NEMP2: variants seen among roughly 807,000 people sequenced by gnomAD.
NEMP2 encodes the protein nuclear envelope integral membrane protein 2, also known as UPF0571 transmembrane protein.
NEMP2 carries 53 observed loss-of-function variants against 54.2 expected under a neutral mutation model. That is an observed-to-expected ratio of 0.98 (90% CI 0.78 to 1.23). The LOEUF (loss-of-function observed/expected upper bound fraction) is 1.23, where lower values mean the gene tolerates loss of function less well. NEMP2 is among the 50% of genes most tolerant of loss of function. The probability of loss-of-function intolerance (pLI) is 0.00; values close to 1 mark genes in which losing one functional copy is unlikely to be tolerated. For missense variants in NEMP2, 455 were observed against 511.3 expected, an observed-to-expected ratio of 0.89 and a Z score of 1.06; for synonymous variants, 197 against 190.3, an observed-to-expected ratio of 1.04 and a Z score of -0.29.
At position 190,510,193 on chromosome 2, in the gene NEMP2, C is replaced by T. The variant is rs1198330356; in HGVS notation, c.1130+168G>A. On this transcript the variant is annotated intron_variant, in intron 8 of 8. Transcript: ENST00000409150. The surrounding 1 kb of genome is among the most constrained non-coding windows in gnomAD (Gnocchi z 5.7). ...ATTTATTCTGACATCAGCAGTTCTA[C>T]TGTGCAAAGTCACAGTACTGAGAAA... Among the ~76,000 whole-genome samples the T allele has an allele frequency of 6.6e-6, 1 of 152,206 alleles. No individual in the cohort carries two copies. Among genetic ancestry groups the T allele is most frequent in the Non-Finnish European group, 1.5e-5 (1 of 68,034 alleles).
chr2:190,534,855 C>T (rs1364764217), upstream of NEMP2: 3 of 397,040 alleles, frequency 7.6e-6, no homozygotes, highest in South Asian at 1.3e-4. Flanking sequence ...CGGGGCACGG[C>T]GGGCCCAGGC....
At chr2:190,526,807 C>T (rs1486777069) in intron 1 of NEMP2, among the ~76,000 whole-genome samples, 1 of 152,112 alleles carries the variant, frequency 6.6e-6, no homozygotes, top group Admixed American at 6.5e-5. Flanking sequence ...ATCTTCACAT[C>T]TCCAGCAAGG....
chr2:190,517,086 G>A (rs1174458403), intron 5 of NEMP2, among the ~76,000 whole-genome samples: 2 of 96,564 alleles, frequency 2.1e-5, no homozygotes, highest in East Asian at 2.9e-4. Flanking sequence ...GCAAGACTGT[G>A]TCTCAAAAAA....
the NEMP2 span, among the ~76,000 whole-genome samples, chr2:190,449,870 G>T: frequency 1.3e-5 from 2 of 151,994 alleles, no homozygotes; most frequent in Admixed American, 6.6e-5. Context: ...GTTGTGGGGT[G>T]GGGGAAGGGG....
the NEMP2 span, among the ~76,000 whole-genome samples, chr2:190,460,267 G>A: frequency 1.3e-5 from 2 of 152,256 alleles, no homozygotes; most frequent in South Asian, 4.1e-4. Flanking sequence ...GCCTATTAAT[G>A]TTAGTCAAAA....
Position 190,516,335 on chromosome 2 carries a change from T to C in NEMP2, c.662A>G (p.Tyr221Cys), listed in dbSNP as rs1200134945. Residue 221 changes from tyrosine (Y) to cysteine (C), a missense_variant, in exon 6 of 9, where the codon TAT becomes TGT. This residue lies in a region of NEMP2 where 294 missense variants were observed against 333.6 expected (regional missense o/e 0.88). Coordinates refer to ENST00000409150, the MANE Select transcript of NEMP2 (RefSeq NM_001142645.2). Reference protein sequence around the residue: ...LMVGCWFASVYIVCQLMEDLK... With the variant: ...LMVGCWFASVCIVCQLMEDLK... ...ATCTTCCATCAACTGGCATACAATA[T>C]AAACTGAGGCAAACCAACAACCAAC... 6.4e-7 allele frequency: 1 copy of C among 1,551,512 alleles called. No homozygotes were observed. Among genetic ancestry groups the C allele is most frequent in the Non-Finnish European group, 8.7e-7 (1 of 1,146,972 alleles).
At chr2:190,608,828 T>C in the NEMP2 span, 1 of 152,262 alleles carries the variant, frequency 6.6e-6, no homozygotes, top group African/African-American at 2.4e-5. This position sits in a 1 kb window ranked among gnomAD's most constrained non-coding sequence, Gnocchi z 4.9. Context: ...ATAATTGTTC[T>C]ATTTTATTAT....
rs1039643588 is a variant in NEMP2 at position 190,509,647 on chromosome 2, A to C, written c.1131-335T>G. Among the ~76,000 whole-genome samples, 1 of 152,190 alleles carries C rather than the reference A, an allele frequency of 6.6e-6. No individual in the cohort carries two copies. Among genetic ancestry groups the C allele is most frequent in the East Asian group, 1.9e-4 (1 of 5,204 alleles). The stretch of plus-strand genomic sequence containing the variant: ...TTTGTTTCAAATACTTCCCCCTTCC[A>C]TCTTTAATTTGAGGGCACTGTTATT... On this transcript the variant is annotated intron_variant, in intron 8 of 8. Coordinates refer to ENST00000409150, the MANE Select transcript of NEMP2 (RefSeq NM_001142645.2). The surrounding 1 kb of genome is among the most constrained non-coding windows in gnomAD (Gnocchi z 6.1).
At chr2:190,568,494 T>C in the NEMP2 span, among the ~76,000 whole-genome samples, 2 of 152,206 alleles carry the variant, frequency 1.3e-5, no homozygotes, top group Admixed American at 1.3e-4. The surrounding 1 kb of genome is among the most constrained non-coding windows in gnomAD (Gnocchi z 4.7). Flanking sequence ...TGCCTCAGTT[T>C]TGAATAATAT....
the NEMP2 span, among the ~76,000 whole-genome samples, chr2:190,585,457 G>A: frequency 6.6e-6 from 1 of 152,154 alleles, no homozygotes; most frequent in South Asian, 2.1e-4. The surrounding 1 kb of genome is among the most constrained non-coding windows in gnomAD (Gnocchi z 5.3). Context: ...GCTTAATTTA[G>A]AATGGGTGCT....
the NEMP2 span, among the ~76,000 whole-genome samples, chr2:190,457,079 G>C: frequency 6.6e-5 from 10 of 152,140 alleles, no homozygotes; most frequent in Non-Finnish European, 1.2e-4. This position sits in a 1 kb window ranked among gnomAD's most constrained non-coding sequence, Gnocchi z 5.1. Flanking sequence ...CTGCTAGTCC[G>C]TTTCTTATGG....
the NEMP2 span, among the ~76,000 whole-genome samples, chr2:190,632,980 T>A: frequency 6.6e-6 from 1 of 152,172 alleles, no homozygotes; most frequent in Non-Finnish European, 1.5e-5. The surrounding 1 kb of genome is among the most constrained non-coding windows in gnomAD (Gnocchi z 4.8). Context: ...TCCAACAATT[T>A]AGACACGTTG....
chr2:190,466,470 G>C, the NEMP2 span, among the ~76,000 whole-genome samples: 1 of 152,186 alleles, frequency 6.6e-6, no homozygotes, highest in Admixed American at 6.5e-5. Flanking sequence ...CCTCAAAATG[G>C]TTGGTGAGGA....
chr2:190,598,700 T>C, the NEMP2 span, among the ~76,000 whole-genome samples: 1 of 152,234 alleles, frequency 6.6e-6, no homozygotes, highest in African/African-American at 2.4e-5. Context: ...AAGCAACCAT[T>C]TTAAATTGGA....
At chr2:190,450,488 C>CTTTTTTTTTTTTTTTTT in the NEMP2 span, among the ~76,000 whole-genome samples, 4 of 97,252 alleles carry the variant, frequency 4.1e-5, 1 homozygote, top group African/African-American at 7.9e-5. Flanking sequence ...TCTCTTTTTC[C>CTTTTTTTTTTTTTTTTT]TTTTTTTTTT....
At chr2:190,453,429 G>A in the NEMP2 span, among the ~76,000 whole-genome samples, 2 of 152,130 alleles carry the variant, frequency 1.3e-5, no homozygotes, top group Non-Finnish European at 1.5e-5. Flanking sequence ...CAGAAACATT[G>A]GCATGTAGAG....
At chr2:190,437,420 T>G in the NEMP2 span, 1 of 1,614,230 alleles carries the variant, frequency 6.2e-7, no homozygotes. The surrounding 1 kb of genome is among the most constrained non-coding windows in gnomAD (Gnocchi z 5.9). Context: ...TATGGCTTCG[T>G]GTTCACCTTT....
the NEMP2 span, among the ~76,000 whole-genome samples, chr2:190,580,249 T>C: frequency 6.6e-6 from 1 of 152,292 alleles, no homozygotes; most frequent in Non-Finnish European, 1.5e-5. This position sits in a 1 kb window ranked among gnomAD's most constrained non-coding sequence, Gnocchi z 5.3. Context: ...AGATCAATAC[T>C]ACCCCATCCA....
chr2:190,541,837 T>C, the NEMP2 span, among the ~76,000 whole-genome samples: 8 of 152,076 alleles, frequency 5.3e-5, no homozygotes, highest in South Asian at 4.1e-4. This position sits in a 1 kb window ranked among gnomAD's most constrained non-coding sequence, Gnocchi z 5.2. Flanking sequence ...ATTTGAAAGA[T>C]AGCTTTGCAG....
Sources: gnomAD v4.1 joint callset for allele counts (sites outside exome capture counted in the v4.1 genomes callset) on GRCh38, gnomAD v4.1.1 for gene constraint, gnomAD v4.1.1 regional missense constraint, Gnocchi (gnomAD v3.1) non-coding constraint, MANE v1.5 for transcripts, NCBI Gene and HGNC (gene_info 2026-07-23, HGNC 2026-07-21) for gene names.